WDR27: variants seen among roughly 807,000 people sequenced by gnomAD.
WDR27 encodes the protein WD repeat domain 27.
A neutral mutation model predicts 114.4 loss-of-function variants in WDR27; 100 were observed. The ratio of observed to expected loss-of-function variants is 0.87; its 90% CI spans 0.74 to 1.03. The LOEUF (loss-of-function observed/expected upper bound fraction) is 1.03. Ranked by LOEUF, WDR27 falls within the 50% of genes least tolerant of loss-of-function variation. The pLI, the probability that WDR27 is intolerant of heterozygous loss-of-function variation, is 0.00. For missense variants in WDR27, 1,129 were observed against 1,092.9 expected (o/e 1.03, Z -0.47); for synonymous variants, 449 against 423.1 (o/e 1.06, Z -0.75).
At chr6:169,537,179 G>A (rs923705232) in intron 25 of WDR27, among the ~76,000 whole-genome samples, 2 of 152,160 alleles carry the variant, frequency 1.3e-5, no homozygotes, top group Admixed American at 6.5e-5. Context: ...AGGAATCGCA[G>A]GCCAGCTGCC....
intron 1 of WDR27, among the ~76,000 whole-genome samples, chr6:169,693,793 C>A (rs1377614682): frequency 6.6e-6 from 1 of 151,250 alleles, no homozygotes; most frequent in Non-Finnish European, 1.5e-5. Context: ...AGGAAAATAT[C>A]ACAATCCTAA....
intron 21 of WDR27, among the ~76,000 whole-genome samples, chr6:169,619,843 A>T (rs908689696): frequency 9.2e-5 from 14 of 152,312 alleles, no homozygotes; most frequent in African/African-American, 3.4e-4. Flanking sequence ...GAGGGCCTGG[A>T]AGAAAGAGAT....
intron 25 of WDR27, among the ~76,000 whole-genome samples, chr6:169,522,315 C>G (rs1365186852): frequency 1.3e-5 from 2 of 151,794 alleles, no homozygotes; most frequent in Non-Finnish European, 2.9e-5. Context: ...ACCATAGCTC[C>G]CAAGTATATA....
Position 169,613,548 on chromosome 6 carries a change from G to C in WDR27, c.2321+11C>G, listed in dbSNP as rs777248632. The C allele has an allele frequency of 2.5e-6, 4 of 1,611,842 alleles. No individual in the cohort carries two copies. In the African/African-American group the frequency reaches 5.3e-5, roughly 22 times the overall value. ...CCCACCCCTGCAGTGCAGGGCGCAG[G>C]ACAGCCTTACCTCAGGGTTCTCAGG... On this transcript the variant is annotated intron_variant, in intron 22 of 25. Transcript: ENST00000448612.
intron 25 of WDR27, among the ~76,000 whole-genome samples, chr6:169,536,444 A>G (rs2982409): frequency 0.61 from 92,034 of 152,000 alleles, 30,086 homozygotes; most frequent in East Asian, 0.72. Flanking sequence ...CAAATGCTGT[A>G]ATAATCCTAA....
chr6:169,489,407 C>T (rs567234109), intron 25 of WDR27, among the ~76,000 whole-genome samples: 1 of 152,220 alleles, frequency 6.6e-6, no homozygotes, highest in African/African-American at 2.4e-5. Context: ...GGCACATGAC[C>T]GTCTCCTACT....
Position 169,659,738 on chromosome 6 carries a change from C to A in WDR27, c.1130-220G>T, listed in dbSNP as rs569088394. Among the ~76,000 whole-genome samples the A allele has an allele frequency of 7.8e-4, 119 of 152,236 alleles. No individual in the cohort carries two copies. The highest frequency in any genetic ancestry group is 2.7e-3 in the African/African-American group (112 of 41,558). On this transcript the variant is annotated intron_variant, in intron 10 of 25. Transcript: ENST00000448612. The surrounding 1 kb of genome is among the most constrained non-coding windows in gnomAD (Gnocchi z 4.3). The stretch of plus-strand genomic sequence containing the variant: ...CACCACACACACACCAGGCCCTGAG[C>A]GTCACACATGCCAGGCTCCGCTCTG...
intron 1 of WDR27, among the ~76,000 whole-genome samples, chr6:169,693,549 A>T (rs895804353): frequency 1.7e-4 from 26 of 152,358 alleles, no homozygotes; most frequent in African/African-American, 6.0e-4. Context: ...GGCAGAATGG[A>T]TAAAAATACA....
intron 23 of WDR27, among the ~76,000 whole-genome samples, chr6:169,590,711 C>A (rs1391759946): frequency 3.9e-5 from 6 of 152,232 alleles, no homozygotes; most frequent in Non-Finnish European, 8.8e-5. Context: ...TAAACCCCAC[C>A]CTTTTCTCTG....
chr6:169,697,733 CCT>C (rs907249386), intron 1 of WDR27, among the ~76,000 whole-genome samples: 1 of 152,190 alleles, frequency 6.6e-6, no homozygotes, highest in Non-Finnish European at 1.5e-5. Context: ...GGAAGGGCCC[CCT>C]GTCCAGTGGA....
chr6:169,659,585 T>C lies in WDR27; in HGVS notation c.1130-67A>G, dbSNP rs529224935. On this transcript the variant is annotated intron_variant, in intron 10 of 25. Transcript: ENST00000448612. The surrounding 1 kb of genome is among the most constrained non-coding windows in gnomAD (Gnocchi z 4.3). ...AGGTAGCACATACACACGGAGTCAC[T>C]GCCCAGAGCCCACCACACACAGCCC... 2 of 1,474,820 alleles carry C rather than the reference T, an allele frequency of 1.4e-6. No homozygotes were observed. Among genetic ancestry groups the C allele is most frequent in the Non-Finnish European group, 1.9e-6 (2 of 1,078,570 alleles). The allele number at this position is 1,474,820 out of a possible 1,614,324, so 91.4% of individuals were successfully genotyped here. A position where few individuals can be genotyped will look rare whatever the true frequency, so the allele number is the denominator to read the frequency against.
At chr6:169,447,945 A>G in the WDR27 span, among the ~76,000 whole-genome samples, 3 of 152,194 alleles carry the variant, frequency 2.0e-5, no homozygotes, top group Non-Finnish European at 4.4e-5. Context: ...AAATGATACA[A>G]CAGTAAGGGG....
At chr6:169,573,597 G>A (rs1162297865) in intron 24 of WDR27, among the ~76,000 whole-genome samples, 1 of 152,134 alleles carries the variant, frequency 6.6e-6, no homozygotes, top group East Asian at 1.9e-4. Flanking sequence ...AGGGATGACT[G>A]TAACTATTTT....
intron 20 of WDR27, among the ~76,000 whole-genome samples, chr6:169,633,593 G>A (rs151218162): frequency 1.8e-4 from 27 of 152,250 alleles, no homozygotes; most frequent in African/African-American, 5.8e-4. Context: ...TTTAGGGCGC[G>A]TGTGACCACC....
chr6:169,475,877 C>A lies in WDR27; in HGVS notation c.2646-18243G>T, dbSNP rs1211410646. The stretch of plus-strand genomic sequence containing the variant: ...TAAAGTTGACTTTATCTTTTATGGA[C>A]CATTCTTCTCCTACATATTTTTTTG... On this transcript the variant is annotated intron_variant, in intron 25 of 25. Transcript: ENST00000448612. 5.3e-5 allele frequency among the ~76,000 whole-genome samples: 8 copies of A among 152,182 alleles called. No homozygotes were observed. In the East Asian group the frequency reaches 1.5e-3, roughly 29 times the overall value.
intron 1 of WDR27, among the ~76,000 whole-genome samples, chr6:169,691,654 T>C (rs538864266): frequency 6.6e-6 from 1 of 152,364 alleles, no homozygotes; most frequent in East Asian, 1.9e-4. Context: ...ACATAAACTT[T>C]TGTTGTAGTA....
At chr6:169,624,502 T>C (rs761278001) in intron 21 of WDR27, among the ~76,000 whole-genome samples, 15 of 152,134 alleles carry the variant, frequency 9.9e-5, no homozygotes, top group Non-Finnish European at 1.9e-4. Context: ...GGAGGGAGGC[T>C]GGGCTGTGCC....
At chr6:169,515,486 T>C (rs1457159145) in intron 25 of WDR27, among the ~76,000 whole-genome samples, 2 of 152,340 alleles carry the variant, frequency 1.3e-5, no homozygotes, top group Admixed American at 1.3e-4. Context: ...GGGTTATGCA[T>C]GTCTGTTTTG....
In WDR27 at chr6:169,687,792, T is replaced by C. The variant is rs76281140; in HGVS notation, c.189+1025A>G. ...ATATGAAAAGGTACCCCTCCAAATA[T>C]GCAGTTTTCATATCCTGAAAATTCT... On this transcript the variant is annotated intron_variant, in intron 2 of 25. Coordinates refer to ENST00000448612, the MANE Select transcript of WDR27 (RefSeq NM_182552.5). Among the ~76,000 whole-genome samples the C allele has an allele frequency of 8.2e-3, 1,242 of 152,306 alleles. 12 individuals are homozygous for C. The highest frequency in any genetic ancestry group is 0.028 in the African/African-American group (1,175 of 41,570).
Sources: gnomAD v4.1 joint callset for allele counts (sites outside exome capture counted in the v4.1 genomes callset) on GRCh38, gnomAD v4.1.1 for gene constraint, Gnocchi (gnomAD v3.1) non-coding constraint, MANE v1.5 for transcripts, NCBI Gene and HGNC (gene_info 2026-07-23, HGNC 2026-07-21) for gene names.